The following POSTN variants were observed in gnomAD, a reference collection of about 807,000 sequenced individuals.
The protein encoded by POSTN is osteoblast specific factor 2 (fasciclin I-like).
In POSTN, 71 loss-of-function variants were observed where a neutral mutation model predicts 104.5. That is an observed-to-expected ratio of 0.68 (90% confidence interval 0.56 to 0.83). The LOEUF (loss-of-function observed/expected upper bound fraction) is 0.83, where lower values mean the gene tolerates loss of function less well. Ranked by LOEUF, POSTN falls within the 40% of genes least tolerant of loss-of-function variation. The pLI, the probability that POSTN is intolerant of heterozygous loss-of-function variation, is 0.00. For missense variants in POSTN, 949 were observed against 1,006.8 expected, an observed-to-expected ratio of 0.94 and a Z score of 0.78; for synonymous variants, 355 against 340.7, an observed-to-expected ratio of 1.04 and a Z score of -0.46.
intron 6 of POSTN, 138 bp from the exon 7 acceptor site, chr13:37,586,418 T>G (rs1743417221): frequency 2.1e-6 from 2 of 942,522 alleles, no homozygotes; most frequent in Admixed American, 3.0e-5. Flanking sequence ...TTCAAAATAT[T>G]ACTTTTTGAC....
intron 20 of POSTN, 132 bp from the exon 21 acceptor site, chr13:37,569,515 A>T: frequency 1.2e-6 from 1 of 857,596 alleles, no homozygotes; most frequent in Non-Finnish European, 1.9e-6. Context: ...CACAAATTTT[A>T]GTGCTGTTTT....
At chr13:37,574,897 G>A (rs993146367) in intron 16 of POSTN, among the ~76,000 whole-genome samples, 1 of 151,848 alleles carries the variant, frequency 6.6e-6, no homozygotes, top group Admixed American at 6.6e-5. Context: ...CTCACAAAGT[G>A]AGGAATTATA....
chr13:37,578,731 G>A (rs563295577), intron 15 of POSTN, 113 bp downstream of exon 15: 27 of 871,756 alleles, frequency 3.1e-5, no homozygotes, highest in Middle Eastern at 3.9e-4. Flanking sequence ...CATGGGAGGC[G>A]GAGCTTGCAG....
intron 16 of POSTN, among the ~76,000 whole-genome samples, chr13:37,576,614 A>G (rs1950416793): frequency 6.6e-6 from 1 of 152,096 alleles, no homozygotes; most frequent in South Asian, 2.1e-4. Context: ...ATATATATGC[A>G]TATGTATATA....
rs200499442 is a variant in POSTN, at chr13:37,590,571, C to T, written c.284-42G>A. ...ATGAATCAGTACTGGGGATAATATT[C>T]TCAGGATATTATTCATAATCATTTA... On this transcript the variant is annotated intron_variant, in intron 3 of 22. Coordinates refer to ENST00000379747, the MANE Select transcript of POSTN (RefSeq NM_006475.3). 2.2e-5 allele frequency: 33 copies of T among 1,478,634 alleles called. No individual in the cohort carries two copies. The East Asian group carries it at 2.4e-4, about 11-fold the overall frequency. The allele number at this position is 1,478,634 out of a possible 1,614,324, so 91.6% of individuals were successfully genotyped here.
At position 37,569,794 on chromosome 13, in the gene POSTN, G is replaced by A; in HGVS notation, c.2297C>T (p.Ser766Phe). The A allele has an allele frequency of 1.2e-6, 2 of 1,605,196 alleles. No individual in the cohort carries two copies. The highest frequency in any genetic ancestry group is 1.7e-6 in the Non-Finnish European group (2 of 1,173,020). Residue 766 changes from serine to phenylalanine, a missense_variant, in exon 20 of 23, where the codon TCT becomes TTT. Physicochemically the swap from Ser to Phe is radical, Grantham distance 155. Transcript: ENST00000379747. ...TGPEIKYTRI[S>F]TGGGETEETL... ...TTCTTCTGTTTCTCCACCTCCAGTA[G>A]AAATCCTAGTGTATTTTATTTCAGG...
chr13:37,597,713 G>A (rs1951124555), intron 1 of POSTN, among the ~76,000 whole-genome samples: 1 of 152,072 alleles, frequency 6.6e-6, no homozygotes, highest in Non-Finnish European at 1.5e-5. Context: ...AAGAGACAAG[G>A]TTTATTATGT....
chr13:37,585,116 C>T (rs1950706902), intron 7 of POSTN, among the ~76,000 whole-genome samples, 188 bp from the exon 8 acceptor site: 1 of 152,144 alleles, frequency 6.6e-6, no homozygotes, highest in South Asian at 2.1e-4. Context: ...ATAGAAACAG[C>T]TCAGCTTCGT....
At chr13:37,577,259 T>G (rs981179733) in intron 16 of POSTN, among the ~76,000 whole-genome samples, 4 of 152,142 alleles carry the variant, frequency 2.6e-5, no homozygotes, top group Non-Finnish European at 5.9e-5. Flanking sequence ...ATGGCAGATT[T>G]TTTTGTTCCT....
At chr13:37,584,998 T>C in intron 7 of POSTN, 70 bp from the exon 8 acceptor site, 1 of 1,572,226 alleles carries the variant, frequency 6.4e-7, no homozygotes, top group South Asian at 1.2e-5. Context: ...AAAAGATGTG[T>C]TTCACTGTGG....
Position 37,576,598 on chromosome 13 carries a change from G to GTA in POSTN, c.2008+1153_2008+1154dup, listed in dbSNP as rs57337452. ...AGCTAAAGAAATGTAGTGGGAATGT[G>GTA]TATATATATATATGCATATGTATAT... On this transcript the variant is annotated intron_variant, in intron 16 of 22. Coordinates refer to ENST00000379747, the MANE Select transcript of POSTN (RefSeq NM_006475.3). Among the ~76,000 whole-genome samples, 1,461 of 151,364 alleles carry GTA rather than the reference G, an allele frequency of 9.7e-3. 21 individuals are homozygous for GTA. Among genetic ancestry groups the GTA allele is most frequent in the African/African-American group, 0.034 (1,397 of 41,290 alleles).
At position 37,584,934 on chromosome 13, in the gene POSTN, GA is replaced by G. The variant is rs777023201; in HGVS notation, c.896-7del. The G allele has an allele frequency of 3.7e-6, 6 of 1,613,084 alleles. No homozygotes were observed. In the African/African-American group the frequency reaches 8.0e-5, roughly 22 times the overall value. ...GATGTGGTACTTCATAAGAGCTGGA[GA>G]ACACAATAAAAACAGGTAGCTTTCA... is the stretch of plus-strand genomic sequence containing the variant. On this transcript the variant is annotated splice_polypyrimidine_tract_variant and splice_region_variant and intron_variant, in intron 7 of 22. Coordinates refer to ENST00000379747, the MANE Select transcript of POSTN (RefSeq NM_006475.3).
In POSTN at chr13:37,584,022, A is replaced by T; in HGVS notation, c.1190T>A (p.Leu397Gln). Residue 397 changes from leucine (L) to glutamine (Q), a missense_variant, in exon 9 of 23, where the codon CTG becomes CAG. Leu to Gln is a moderately radical substitution (Grantham distance 113, BLOSUM62 -2). Transcript: ENST00000379747. ...LVAQLGLASA[L>Q]RPDGEYTLLA... Reference sequence around the variant, plus strand: ...CAAAGTGTATTCTCCATCTGGCCTCAGAGCAGATGCCAAGCCTAATTGGGC... The same window carrying T: ...CAAAGTGTATTCTCCATCTGGCCTCTGAGCAGATGCCAAGCCTAATTGGGC... The T allele has an allele frequency of 6.2e-7, 1 of 1,613,994 alleles. No individual in the cohort carries two copies. Among genetic ancestry groups the T allele is most frequent in the South Asian group, 1.1e-5 (1 of 91,060 alleles).
rs769005220 is a variant in POSTN, at chr13:37,592,133, T to C, written c.250A>G (p.Met84Val). Residue 84 changes from methionine to valine, a missense_variant, in exon 3 of 23, where the codon ATG becomes GTG. Physicochemically the swap from Met to Val is conservative, Grantham distance 21. Transcript: ENST00000379747. Reference protein sequence around the residue: ...TVLYECCPGYMRMEGMKGCPA... With the variant: ...TVLYECCPGYVRMEGMKGCPA... ...CAGCCTTTCATTCCTTCCATTCTCATATAACCAGGGCAACATTCATATAAC... is the reference window on the plus strand; with the variant it reads ...CAGCCTTTCATTCCTTCCATTCTCACATAACCAGGGCAACATTCATATAAC... 3 of 1,607,636 alleles carry C rather than the reference T, an allele frequency of 1.9e-6. No individual in the cohort carries two copies. The highest frequency in any genetic ancestry group is 4.5e-5 in the East Asian group (2 of 44,818).
rs570586387 is a variant in POSTN at position 37,569,305 on chromosome 13, T to G, written c.2426A>C (p.Gln809Pro). Reference protein sequence around the residue: ...FEDEEIKRLLQGDTPVRKLQA... With the variant: ...FEDEEIKRLLPGDTPVRKLQA... ...GTTGTTGTCCTTTTACTAACCTCCCTGAAGCAGTCTTTTAATTTCTTCATC... is the reference window on the plus strand; with the variant it reads ...GTTGTTGTCCTTTTACTAACCTCCCGGAAGCAGTCTTTTAATTTCTTCATC... The change falls in exon 21 of 23, where the codon CAG becomes CCG. Residue 809 changes from glutamine (Q) to proline (P), a missense_variant. Physicochemically the swap from Gln to Pro is moderately conservative, Grantham distance 76. Transcript: ENST00000379747. 2 of 1,611,298 alleles carry G rather than the reference T, an allele frequency of 1.2e-6. No homozygotes were observed. The highest frequency in any genetic ancestry group is 1.1e-5 in the South Asian group (1 of 91,012).
chr13:37,576,381 G>A (rs147138583), intron 16 of POSTN, among the ~76,000 whole-genome samples: 24 of 152,240 alleles, frequency 1.6e-4, no homozygotes, highest in African/African-American at 5.5e-4. Context: ...GTAAATGTTA[G>A]AGCTGTTTCA....
intron 10 of POSTN, 84 bp from the exon 11 acceptor site, chr13:37,580,781 G>A (rs1950561600): frequency 4.5e-6 from 7 of 1,560,416 alleles, no homozygotes; most frequent in Non-Finnish European, 3.5e-6. Flanking sequence ...TTAAGTTTCC[G>A]GATCGGCCCT....
At position 37,590,557 on chromosome 13, in the gene POSTN, C is replaced by T. The variant is rs372747247; in HGVS notation, c.284-28G>A. On this transcript the variant is annotated intron_variant, in intron 3 of 22. Transcript: ENST00000379747. ...GAAATAATCAAGAAATGAATCAGTA[C>T]TGGGGATAATATTCTCAGGATATTA... The T allele has an allele frequency of 3.9e-6, 6 of 1,552,708 alleles. No individual in the cohort carries two copies. The African/African-American group carries it at 6.8e-5, about 18-fold the overall frequency.
chr13:37,580,328 T>C (rs1322529543), intron 11 of POSTN, among the ~76,000 whole-genome samples: 1 of 152,214 alleles, frequency 6.6e-6, no homozygotes, highest in Non-Finnish European at 1.5e-5. Context: ...AAGAAAAATG[T>C]CAAGAAGTAG....
Sources: gnomAD v4.1 joint callset for allele counts (sites outside exome capture counted in the v4.1 genomes callset) on GRCh38, gnomAD v4.1.1 for gene constraint, MANE v1.5 for transcripts, NCBI Gene and HGNC (gene_info 2026-07-23, HGNC 2026-07-21) for gene names.